The following PCDHGA3 variants were observed in gnomAD, a reference collection of about 807,000 sequenced individuals.
PCDHGA3 encodes the protein protocadherin gamma subfamily A, 3.
A neutral mutation model predicts 58.5 loss-of-function variants in PCDHGA3; 40 were observed. The ratio of observed to expected loss-of-function variants is 0.68; its 90% CI spans 0.53 to 0.89. PCDHGA3 has a LOEUF of 0.89. Among genes scored for constraint, PCDHGA3 ranks in the 40% least tolerant of loss-of-function variants. PCDHGA3 has a pLI of 0.00. For missense variants in PCDHGA3, 1,223 were observed against 1,195.9 expected (o/e 1.02, Z -0.33); for synonymous variants, 530 against 525.7 (o/e 1.01, Z -0.11).
At chr5:141,423,742 A>C in intron 1 of PCDHGA3, 1 of 514,328 alleles carries the variant, frequency 1.9e-6, no homozygotes, top group Non-Finnish European at 2.4e-6. Context: ...CCTGTTATGA[A>C]AACTGTTTGG....
intron 1 of PCDHGA3, among the ~76,000 whole-genome samples, chr5:141,456,985 A>C (rs2098902590): frequency 6.6e-6 from 1 of 152,204 alleles, no homozygotes; most frequent in Non-Finnish European, 1.5e-5. Context: ...ACAAACAAAC[A>C]AACAAAAACT....
In PCDHGA3 at chr5:141,405,021, C is replaced by T. The variant is rs188043964; in HGVS notation, c.2424+58564C>T. The T allele has an allele frequency of 2.9e-5, 46 of 1,613,980 alleles. No homozygotes were observed. Among genetic ancestry groups the T allele is most frequent in the Non-Finnish European group, 3.7e-5 (44 of 1,179,862 alleles). On this transcript the variant is annotated intron_variant, in intron 1 of 3. Coordinates refer to ENST00000253812, the MANE Select transcript of PCDHGA3 (RefSeq NM_018916.4). ...GCAGACCTGGAGGCCTCAGACCTTA[C>T]CCTCTACCTCGTTGTGGCTGTGGCA...
intron 1 of PCDHGA3, among the ~76,000 whole-genome samples, chr5:141,445,871 T>C (rs1318495005): frequency 6.6e-6 from 1 of 152,198 alleles, no homozygotes; most frequent in Non-Finnish European, 1.5e-5. Context: ...TTGTTCTAAA[T>C]ACCCTTGTAC....
intron 1 of PCDHGA3, among the ~76,000 whole-genome samples, chr5:141,380,921 T>G (rs1014548780): frequency 6.6e-6 from 1 of 152,238 alleles, no homozygotes; most frequent in African/African-American, 2.4e-5. Flanking sequence ...CATTGTTTAA[T>G]AATCATACAC....
chr5:141,350,691 T>C lies in PCDHGA3; in HGVS notation c.2424+4234T>C, dbSNP rs556658161. 1.7e-5 allele frequency: 28 copies of C among 1,613,996 alleles called. 1 individual carries two copies. In the South Asian group the frequency reaches 2.9e-4, roughly 16 times the overall value. ...GACTTAGAAATTTGTGAGTCAGCCT[T>C]ACCCGGGGTAAAATTCTCTCTGGAT... On this transcript the variant is annotated intron_variant, in intron 1 of 3. Coordinates refer to ENST00000253812, the MANE Select transcript of PCDHGA3 (RefSeq NM_018916.4).
intron 3 of PCDHGA3, among the ~76,000 whole-genome samples, chr5:141,509,347 C>A (rs755234053): frequency 2.6e-5 from 4 of 152,142 alleles, no homozygotes; most frequent in Non-Finnish European, 5.9e-5. Context: ...CCTGGGCTGG[C>A]CTGGGCATCC....
At chr5:141,374,094 C>T (rs544125570) in intron 1 of PCDHGA3, 19 of 1,555,744 alleles carry the variant, frequency 1.2e-5, no homozygotes, top group Non-Finnish European at 1.7e-5. Flanking sequence ...ATGGCGCCTC[C>T]GCAGAGGCAT....
chr5:141,366,239 G>A, intron 1 of PCDHGA3: 3 of 1,613,776 alleles, frequency 1.9e-6, no homozygotes, highest in Non-Finnish European at 1.7e-6. Context: ...GGACAGAGAC[G>A]CGCTCAAGCA....
chr5:141,459,609 T>C (rs939880462), intron 1 of PCDHGA3, among the ~76,000 whole-genome samples: 1 of 152,230 alleles, frequency 6.6e-6, no homozygotes, highest in African/African-American at 2.4e-5. Context: ...AAGTATATGC[T>C]TAACTTTATA....
Position 141,491,944 on chromosome 5 carries a change from C to A in PCDHGA3, c.2425-2863C>A. On this transcript the variant is annotated intron_variant, in intron 1 of 3. Transcript: ENST00000253812. This position sits in a 1 kb window ranked among gnomAD's most constrained non-coding sequence, Gnocchi z 6.9. ...CGAGGGGAGGTGGGACCGACCCCCA[C>A]CCCTACACTCAAAAAAGGCCGGGGC... 2 of 1,120,270 alleles carry A rather than the reference C, an allele frequency of 1.8e-6. No individual in the cohort carries two copies. Among genetic ancestry groups the A allele is most frequent in the Non-Finnish European group, 2.4e-6 (2 of 822,060 alleles). The allele number at this position is 1,120,270 out of a possible 1,614,324, so 69.4% of individuals were successfully genotyped here.
intron 1 of PCDHGA3, among the ~76,000 whole-genome samples, chr5:141,472,213 C>T (rs1294676431): frequency 2.0e-5 from 3 of 152,178 alleles, no homozygotes; most frequent in African/African-American, 7.2e-5. Flanking sequence ...TAAGACCTTA[C>T]TCTCGATCAT....
In PCDHGA3 at chr5:141,431,931, C is replaced by T. The variant is rs2097430107; in HGVS notation, c.2425-62876C>T. ...ATCTGTTTCATCCAAGGAAATCTGCCCTTTAAATTAGAAAAATCTTACGGA... is the reference window on the plus strand; with the variant it reads ...ATCTGTTTCATCCAAGGAAATCTGCTCTTTAAATTAGAAAAATCTTACGGA... On this transcript the variant is annotated intron_variant, in intron 1 of 3. Transcript: ENST00000253812. This position sits in a 1 kb window ranked among gnomAD's most constrained non-coding sequence, Gnocchi z 4.8. The T allele has an allele frequency of 6.2e-7, 1 of 1,613,924 alleles. No homozygotes were observed. Among genetic ancestry groups the T allele is most frequent in the Admixed American group, 1.7e-5 (1 of 59,986 alleles).
chr5:141,420,722 A>T (rs1428516588), intron 1 of PCDHGA3, among the ~76,000 whole-genome samples: 4 of 152,226 alleles, frequency 2.6e-5, no homozygotes, highest in Admixed American at 6.5e-5. Flanking sequence ...CGTTCCTTTC[A>T]GTCGGTTAAA....
chr5:141,447,942 T>C (rs1476141059), intron 1 of PCDHGA3, among the ~76,000 whole-genome samples: 2 of 151,740 alleles, frequency 1.3e-5, no homozygotes, highest in African/African-American at 4.8e-5. Context: ...AAAAATTAGC[T>C]GGGCATGGTG....
intron 1 of PCDHGA3, chr5:141,376,734 C>T (rs1773305109): frequency 5.7e-6 from 3 of 526,518 alleles, no homozygotes; most frequent in South Asian, 4.6e-5. Context: ...GGCCGGACTG[C>T]GGACTGCAGT....
intron 1 of PCDHGA3, among the ~76,000 whole-genome samples, chr5:141,444,225 G>A (rs1307884592): frequency 8.0e-6 from 1 of 125,604 alleles, no homozygotes; most frequent in African/African-American, 3.1e-5. Context: ...AGGCTGGAGT[G>A]CAATGGCATG....
intron 1 of PCDHGA3, chr5:141,399,474 C>T (rs1282833757): frequency 6.2e-7 from 1 of 1,614,032 alleles, no homozygotes; most frequent in South Asian, 1.1e-5. Flanking sequence ...CGGTTTTCCA[C>T]CAGGCGTCCT....
At chr5:141,404,063 G>A in intron 1 of PCDHGA3, 1 of 1,613,798 alleles carries the variant, frequency 6.2e-7, no homozygotes, top group Non-Finnish European at 8.5e-7. Context: ...TCTTTTCAAT[G>A]CTCATGACCG....
rs1434955829 is a variant in PCDHGA3, at chr5:141,431,361, A to G, written c.2425-63446A>G. 3 of 1,614,002 alleles carry G rather than the reference A, an allele frequency of 1.9e-6. No homozygotes were observed. The highest frequency in any genetic ancestry group is 2.5e-6 in the Non-Finnish European group (3 of 1,180,034). On this transcript the variant is annotated intron_variant, in intron 1 of 3. Transcript: ENST00000253812. The surrounding 1 kb of genome is among the most constrained non-coding windows in gnomAD (Gnocchi z 4.8). ...GAATTGGTGCTGAAACGCGCCCTGG[A>G]CCGCGAAGAAAAGGCTGCTCACCAC...
Sources: gnomAD v4.1 joint callset for allele counts (sites outside exome capture counted in the v4.1 genomes callset) on GRCh38, gnomAD v4.1.1 for gene constraint, Gnocchi (gnomAD v3.1) non-coding constraint, MANE v1.5 for transcripts, NCBI Gene and HGNC (gene_info 2026-07-23, HGNC 2026-07-21) for gene names.